RAPGEF4: variants seen among roughly 807,000 people sequenced by gnomAD.
RAPGEF4 encodes the protein Rap guanine nucleotide exchange factor 4.
In RAPGEF4, 66 loss-of-function variants were observed where a neutral mutation model predicts 147.9. That is an observed-to-expected ratio of 0.45 (90% CI 0.37 to 0.55). The LOEUF (loss-of-function observed/expected upper bound fraction) is 0.55, where lower values mean the gene tolerates loss of function less well. Among genes scored for constraint, RAPGEF4 ranks in the 20% least tolerant of loss-of-function variants. The pLI is 0.00. For missense variants in RAPGEF4, 1,071 were observed against 1,257.3 expected (o/e 0.85, Z 2.24); for synonymous variants, 419 against 442.7 (o/e 0.95, Z 0.67).
At chr2:172,744,565 G>T (rs984465345) in intron 1 of RAPGEF4, 11 of 299,186 alleles carry the variant, frequency 3.7e-5, no homozygotes, top group African/African-American at 2.2e-4. Context: ...CAAGTTATTT[G>T]GTTCTAGTAG....
chr2:172,812,146 A>C (rs1574917408), intron 3 of RAPGEF4, among the ~76,000 whole-genome samples: 2 of 152,196 alleles, frequency 1.3e-5, no homozygotes, highest in African/African-American at 4.8e-5. Flanking sequence ...TTTTAAGATC[A>C]TATCTTGTAA....
At chr2:172,823,031 A>G (rs935774585) in intron 4 of RAPGEF4, among the ~76,000 whole-genome samples, 1 of 152,222 alleles carries the variant, frequency 6.6e-6, no homozygotes, top group Admixed American at 6.5e-5. Context: ...ATAGACACAA[A>G]TATGAGACAA....
At position 172,973,058 on chromosome 2, in the gene RAPGEF4, G is replaced by A. The variant is rs369213016; in HGVS notation, c.1004+5614G>A. 1.0e-4 allele frequency among the ~76,000 whole-genome samples: 15 copies of A among 150,598 alleles called. 1 individual carries two copies. Among genetic ancestry groups the A allele is most frequent in the African/African-American group, 3.4e-4 (14 of 41,058 alleles). ...CTCTGAATGTTCTTTAATGCATTCAGTTTGTGATCGTTGGATGTTTAGGTT... is the reference window on the plus strand; with the variant it reads ...CTCTGAATGTTCTTTAATGCATTCAATTTGTGATCGTTGGATGTTTAGGTT... On this transcript the variant is annotated intron_variant, in intron 10 of 30. Coordinates refer to ENST00000397081, the MANE Select transcript of RAPGEF4 (RefSeq NM_007023.4).
intron 1 of RAPGEF4, among the ~76,000 whole-genome samples, chr2:172,781,248 T>C (rs1265627779): frequency 2.0e-5 from 3 of 152,164 alleles, no homozygotes; most frequent in Admixed American, 6.5e-5. Flanking sequence ...AGTTGTAGCC[T>C]GCTAGGTGGC....
chr2:172,941,758 C>T (rs146207887), intron 6 of RAPGEF4, among the ~76,000 whole-genome samples: 1 of 152,124 alleles, frequency 6.6e-6, no homozygotes, highest in African/African-American at 2.4e-5. Context: ...CACTTCTTAG[C>T]TATGTGGGCT....
chr2:172,933,436 T>A (rs895380816), intron 6 of RAPGEF4, among the ~76,000 whole-genome samples: 6 of 152,172 alleles, frequency 3.9e-5, no homozygotes, highest in African/African-American at 7.2e-5. Context: ...AGAGTGAGTT[T>A]GGAGACCTGG....
intron 12 of RAPGEF4, among the ~76,000 whole-genome samples, 157 bp from the exon 13 acceptor site, chr2:172,988,039 A>C (rs766804487): frequency 5.9e-5 from 9 of 152,242 alleles, no homozygotes; most frequent in Non-Finnish European, 1.2e-4. Flanking sequence ...AAAAGGAGAT[A>C]ATGTGCCACC....
chr2:172,822,466 T>A (rs10514633), intron 4 of RAPGEF4, among the ~76,000 whole-genome samples: 2,277 of 152,340 alleles, frequency 0.015, 19 homozygotes, highest in South Asian at 0.033. Context: ...TTATAGGCAT[T>A]CTGTTACATT....
rs182347747 is a variant in RAPGEF4 at position 172,923,587 on chromosome 2, A to G, written c.537+1287A>G. 3.3e-5 allele frequency among the ~76,000 whole-genome samples: 5 copies of G among 152,328 alleles called. No homozygotes were observed. In the East Asian group the frequency reaches 9.6e-4, roughly 29 times the overall value. ...CTGGCCAGACTTGGGTTTAAGACCT[A>G]GCAGTGTCACTTCAAATGTTACACC... On this transcript the variant is annotated intron_variant, in intron 6 of 30. Transcript: ENST00000397081.
At position 173,011,753 on chromosome 2, in the gene RAPGEF4, A is replaced by C. The variant is rs182950582; in HGVS notation, c.1659-2711A>C. ...TCAATTTGAATAGTTTCTTTGCCTA[A>C]GTACTTGTAAAGCATTTTGATGTAT... is the stretch of plus-strand genomic sequence containing the variant. On this transcript the variant is annotated intron_variant, in intron 17 of 30. Transcript: ENST00000397081. Among the ~76,000 whole-genome samples the C allele has an allele frequency of 4.1e-4, 62 of 152,122 alleles. 1 individual carries two copies. Among genetic ancestry groups the C allele is most frequent in the Admixed American group, 3.5e-3 (53 of 15,274 alleles).
At chr2:173,028,440 A>G (rs1696864402) in intron 25 of RAPGEF4, among the ~76,000 whole-genome samples, 1 of 152,240 alleles carries the variant, frequency 6.6e-6, no homozygotes, top group South Asian at 2.1e-4. Flanking sequence ...CAATGCAACA[A>G]GAAGAGAGAG....
intron 4 of RAPGEF4, among the ~76,000 whole-genome samples, chr2:172,835,056 G>T (rs1690771200): frequency 2.0e-5 from 3 of 152,158 alleles, no homozygotes. Flanking sequence ...GCTCTAAGTT[G>T]CCAGCCGTCC....
chr2:172,983,424 G>T, intron 10 of RAPGEF4, 72 bp from the exon 11 acceptor site: 2 of 1,549,632 alleles, frequency 1.3e-6, no homozygotes, highest in Non-Finnish European at 1.7e-6. Flanking sequence ...CTGATGCCTG[G>T]ATCCGTTTCC....
At position 173,036,643 on chromosome 2, in the gene RAPGEF4, A is replaced by T. The variant is rs776505596; in HGVS notation, c.2804A>T (p.His935Leu). ...PLLIKDMTFT[H>L]EGNKTFIDNL... ...TTCTTTACAGATATGACATTTACTC[A>T]TGAGGGGAACAAGACGTTCATTGAC... Residue 935 changes from histidine (H) to leucine (L), a missense_variant, in exon 29 of 31, where the codon CAT (histidine) becomes CTT (leucine). By Grantham distance (99) the His-to-Leu change is moderately conservative (BLOSUM62 -3). Coordinates refer to ENST00000397081, the MANE Select transcript of RAPGEF4 (RefSeq NM_007023.4). The T allele has an allele frequency of 7.4e-6, 12 of 1,611,562 alleles. No individual in the cohort carries two copies. The South Asian group carries it at 1.3e-4, about 18-fold the overall frequency.
At chr2:172,740,259 G>A (rs933292117) in intron 1 of RAPGEF4, among the ~76,000 whole-genome samples, 1 of 152,206 alleles carries the variant, frequency 6.6e-6, no homozygotes, top group African/African-American at 2.4e-5. Context: ...CATTTGGAAA[G>A]GAGTTCACAG....
chr2:172,886,118 G>A (rs1037702460), intron 4 of RAPGEF4, among the ~76,000 whole-genome samples: 1 of 152,162 alleles, frequency 6.6e-6, no homozygotes, highest in African/African-American at 2.4e-5. Flanking sequence ...GCTTAGTCCA[G>A]CCCATCGATC....
At chr2:173,021,121 C>G (rs780195070) in intron 23 of RAPGEF4, among the ~76,000 whole-genome samples, 6 of 152,170 alleles carry the variant, frequency 3.9e-5, no homozygotes, top group Non-Finnish European at 8.8e-5. Context: ...AATGCTGTTC[C>G]CCAAAAGCAC....
At chr2:172,802,409 T>C (rs994312025) in intron 3 of RAPGEF4, among the ~76,000 whole-genome samples, 3 of 152,130 alleles carry the variant, frequency 2.0e-5, no homozygotes, top group Non-Finnish European at 4.4e-5. Context: ...CAAAGAGAGC[T>C]TGTGCAGGGA....
chr2:172,886,369 T>C (rs1384363277), intron 4 of RAPGEF4, among the ~76,000 whole-genome samples: 3 of 152,206 alleles, frequency 2.0e-5, no homozygotes, highest in Admixed American at 6.5e-5. Flanking sequence ...ATGTTTACCA[T>C]GTAGACCTTT....
Sources: gnomAD v4.1 joint callset for allele counts (sites outside exome capture counted in the v4.1 genomes callset) on GRCh38, gnomAD v4.1.1 for gene constraint, MANE v1.5 for transcripts, NCBI Gene and HGNC (gene_info 2026-07-23, HGNC 2026-07-21) for gene names.